The following GRIN2C variants were observed in gnomAD, a reference collection of about 807,000 sequenced individuals.
The protein encoded by GRIN2C is glutamate receptor ionotropic, NMDA 2C.
Under a neutral mutation model 77.7 loss-of-function variants are expected in GRIN2C, and 64 were observed. That is an observed-to-expected ratio of 0.82 (90% CI 0.67 to 1.01). GRIN2C has a LOEUF of 1.01. GRIN2C is among the 50% of genes least tolerant of loss of function. GRIN2C has a pLI of 0.00. For synonymous variants in GRIN2C, 792 were observed against 643.4 expected (o/e 1.23, Z -3.49); for missense variants, 1,549 against 1,486.0 (o/e 1.04, Z -0.70).
chr17:74,860,647 G>A (rs1265319522), upstream of GRIN2C: 2 of 380,306 alleles, frequency 5.3e-6, no homozygotes, highest in East Asian at 1.5e-4. Flanking sequence ...CCAGCGCCAG[G>A]TCTTGCTCGC....
chr17:74,845,944 C>T, intron 11 of GRIN2C, 122 bp downstream of exon 11: 4 of 899,608 alleles, frequency 4.4e-6, no homozygotes, highest in Non-Finnish European at 5.3e-6. Context: ...GCTGCCCCAA[C>T]CTCTCACCCC....
rs376295025 is a variant in GRIN2C, at chr17:74,850,588, C to T, written c.1293G>A (p.Val431=). 282 of 1,613,568 alleles carry T rather than the reference C, an allele frequency of 1.7e-4. No individual in the cohort carries two copies. Among genetic ancestry groups the T allele is most frequent in the Middle Eastern group, 8.2e-4 (5 of 6,062 alleles). The change falls in exon 5 of 13, where the codon GTG becomes GTA. Residue 431 remains valine, a synonymous_variant. Transcript: ENST00000293190. The surrounding 1 kb of genome is among the most constrained non-coding windows in gnomAD (Gnocchi z 5.3). ...PGTGGCVPNT[V]PCRRQSNHTF... ...TGTGGTTGCTCTGCCTGCGGCAGGG[C>T]ACGGTGTTGGGGACACAGCCTCCTG... is the stretch of plus-strand genomic sequence containing the variant.
chr17:74,842,871 G>A lies in GRIN2C; in HGVS notation c.3266C>T (p.Ala1089Val). The change falls in exon 13 of 13, where the codon GCC becomes GTC. Residue 1089 changes from alanine to valine, a missense_variant. This residue lies in a region of GRIN2C where 450 missense variants were observed against 267.9 expected (regional missense o/e 1.68). Transcript: ENST00000293190. Reference sequence around the variant, plus strand: ...GGGCAGCGAGCTGGGCCGAGCGAAGGCCTCGGCCACGGAGCTGGGCAGGGA... The same window carrying A: ...GGGCAGCGAGCTGGGCCGAGCGAAGACCTCGGCCACGGAGCTGGGCAGGGA... ...HASLPSSVAE[A>V]FARPSSLPAG... 1 of 563,874 alleles carries A rather than the reference G, an allele frequency of 1.8e-6. No homozygotes were observed. Among genetic ancestry groups the A allele is most frequent in the Non-Finnish European group, 3.1e-6 (1 of 326,904 alleles). The allele number at this position is 563,874 out of a possible 1,614,324, so 34.9% of individuals were successfully genotyped here.
Position 74,859,506 on chromosome 17 carries a change from C to A in GRIN2C, c.-16+238G>T, listed in dbSNP as rs995543417. Reference sequence around the variant, plus strand: ...ACCCACCAGCAGAACCCCCGGACCCCCTGCCCTTCCGGTGAGCCGCCCCTC... The same window carrying A: ...ACCCACCAGCAGAACCCCCGGACCCACTGCCCTTCCGGTGAGCCGCCCCTC... On this transcript the variant is annotated intron_variant, in intron 1 of 12. Coordinates refer to ENST00000293190, the MANE Select transcript of GRIN2C (RefSeq NM_000835.6). This position sits in a 1 kb window ranked among gnomAD's most constrained non-coding sequence, Gnocchi z 5.9. Among the ~76,000 whole-genome samples, 1 of 152,150 alleles carries A rather than the reference C, an allele frequency of 6.6e-6. No homozygotes were observed. Among genetic ancestry groups the A allele is most frequent in the Non-Finnish European group, 1.5e-5 (1 of 68,012 alleles).
Position 74,842,618 on chromosome 17 carries a change from G to T in GRIN2C, c.3519C>A (p.Ser1173Arg), listed in dbSNP as rs1313872138. 1.3e-6 allele frequency: 1 copy of T among 759,944 alleles called. No individual in the cohort carries two copies. Among genetic ancestry groups the T allele is most frequent in the Non-Finnish European group, 2.4e-6 (1 of 408,280 alleles). The allele number at this position is 759,944 out of a possible 1,614,324, so 47.1% of individuals were successfully genotyped here. ...AVCPHLPPCA[S>R]HGSWLSGAWG... ...AGGCCCCGGAGAGCCAGGAGCCGTG[G>T]CTGGCACAGGGTGGAAGGTGAGGAC... The change falls in exon 13 of 13, where the codon AGC becomes AGA. Residue 1173 changes from serine (S) to arginine (R), a missense_variant. Around this residue, in one of 3 missense-constraint regions of GRIN2C, gnomAD observed 450 missense variants for 267.9 expected, o/e 1.68. Coordinates refer to ENST00000293190, the MANE Select transcript of GRIN2C (RefSeq NM_000835.6).
Position 74,849,746 on chromosome 17 carries a change from C to T in GRIN2C, c.1645+34G>A. The T allele has an allele frequency of 6.3e-7, 1 of 1,596,034 alleles. No homozygotes were observed. The highest frequency in any genetic ancestry group is 8.5e-7 in the Non-Finnish European group (1 of 1,174,712). On this transcript the variant is annotated intron_variant, in intron 7 of 12. Transcript: ENST00000293190. This position sits in a 1 kb window ranked among gnomAD's most constrained non-coding sequence, Gnocchi z 4.6. Reference sequence around the variant, plus strand: ...ACACCCTCCTCGTGGGCCCCTCTGCCCCCGGAGCCGTCTCTGCCCACCCTG... The same window carrying T: ...ACACCCTCCTCGTGGGCCCCTCTGCTCCCGGAGCCGTCTCTGCCCACCCTG...
At position 74,850,726 on chromosome 17, in the gene GRIN2C, G is replaced by T; in HGVS notation, c.1155C>A (p.Pro385=). ...GAGAGGCACTGTAGCGAGGCCACAC[G>T]GGGTACTTCATGTATAGGACGCCAT... ...WEHGVLYMKY[P]VWPRYSASLQ... Residue 385 remains proline (P), a synonymous_variant, in exon 5 of 13, where the codon CCC becomes CCA. Transcript: ENST00000293190. The surrounding 1 kb of genome is among the most constrained non-coding windows in gnomAD (Gnocchi z 5.3). 6.2e-7 allele frequency: 1 copy of T among 1,613,396 alleles called. No individual in the cohort carries two copies. Among genetic ancestry groups the T allele is most frequent in the Non-Finnish European group, 8.5e-7 (1 of 1,179,980 alleles).
chr17:74,846,307 C>T lies in GRIN2C; in HGVS notation c.2163-54G>A, dbSNP rs553160355. On this transcript the variant is annotated intron_variant, in intron 10 of 12. Coordinates refer to ENST00000293190, the MANE Select transcript of GRIN2C (RefSeq NM_000835.6). This position sits in a 1 kb window ranked among gnomAD's most constrained non-coding sequence, Gnocchi z 4.4. ...GGACCATATGGGAGGGGAGGGGACA[C>T]CGAAACTGGGGCGTGACAGGGGTCT... 15 of 1,524,204 alleles carry T rather than the reference C, an allele frequency of 9.8e-6. No individual in the cohort carries two copies. The highest frequency in any genetic ancestry group is 1.4e-5 in the Non-Finnish European group (15 of 1,102,742). 94.4% of individuals were successfully genotyped at this position (1,524,204 alleles called of 1,614,324 possible). A position where few individuals can be genotyped will look rare whatever the true frequency, so the allele number is the denominator to read the frequency against.
chr17:74,843,651 A>T (rs939950989), intron 12 of GRIN2C, 98 bp from the exon 13 acceptor site: 2 of 1,450,552 alleles, frequency 1.4e-6, no homozygotes, highest in African/African-American at 1.4e-5. Flanking sequence ...TCAGTCTTCT[A>T]TAAGTCTCAG....
At chr17:74,853,310 T>A (rs1264246660) in intron 2 of GRIN2C, 1 of 152,174 alleles carries the variant, frequency 6.6e-6, no homozygotes, top group Non-Finnish European at 1.5e-5. Flanking sequence ...GCAACGCAGT[T>A]TCTTCAATAA....
At chr17:74,853,023 G>A (rs2037712468) in intron 2 of GRIN2C, 1 of 168,900 alleles carries the variant, frequency 5.9e-6, no homozygotes, top group African/African-American at 2.4e-5. Context: ...AATTCCAGAG[G>A]TGCAAAGCCA....
At chr17:74,851,909 C>G in intron 3 of GRIN2C, 104 bp downstream of exon 3, 3 of 866,276 alleles carry the variant, frequency 3.5e-6, no homozygotes, top group Non-Finnish European at 5.2e-6. Context: ...GCCCCAGGCA[C>G]GCAGCTAGTG....
chr17:74,845,915 C>T (rs2037439642), intron 11 of GRIN2C, 151 bp downstream of exon 11: 3 of 714,834 alleles, frequency 4.2e-6, no homozygotes, highest in Non-Finnish European at 7.3e-6. Flanking sequence ...CCAGTTGCTC[C>T]TAGTACCTGC....
rs372220061 is a variant in GRIN2C at position 74,850,726 on chromosome 17, G to A, written c.1155C>T (p.Pro385=). ...GAGAGGCACTGTAGCGAGGCCACAC[G>A]GGGTACTTCATGTATAGGACGCCAT... ...WEHGVLYMKY[P]VWPRYSASLQ... is the part of the protein sequence containing the mutation. Residue 385 remains proline (P), a synonymous_variant, in exon 5 of 13, where the codon CCC becomes CCT. Coordinates refer to ENST00000293190, the MANE Select transcript of GRIN2C (RefSeq NM_000835.6). This position sits in a 1 kb window ranked among gnomAD's most constrained non-coding sequence, Gnocchi z 5.3. The A allele has an allele frequency of 7.2e-5, 116 of 1,613,394 alleles. No homozygotes were observed. Among genetic ancestry groups the A allele is most frequent in the Middle Eastern group, 3.3e-4 (2 of 6,048 alleles).
At position 74,856,144 on chromosome 17, in the gene GRIN2C, T is replaced by C. The variant is rs562256465; in HGVS notation, c.-15-1037A>G. ...ACAGCAGTGAGGGTAACACAAAGCC[T>C]GAGTGGAGTGGTGCCCACGGATGTC... On this transcript the variant is annotated intron_variant, in intron 1 of 12. Transcript: ENST00000293190. Among the ~76,000 whole-genome samples, 14 of 152,328 alleles carry C rather than the reference T, an allele frequency of 9.2e-5. No homozygotes were observed. In the South Asian group the frequency reaches 2.9e-3, roughly 32 times the overall value.
rs935859146 is a variant in GRIN2C at position 74,846,023 on chromosome 17, C to G, written c.2350+43G>C. ...TGGTGGAAATGCTGACAACCTTGGG[C>G]TCCACAGCCCACCCTGGGCATCCCA... On this transcript the variant is annotated intron_variant, in intron 11 of 12. Transcript: ENST00000293190. This position sits in a 1 kb window ranked among gnomAD's most constrained non-coding sequence, Gnocchi z 4.4. 1 of 1,573,396 alleles carries G rather than the reference C, an allele frequency of 6.4e-7. No individual in the cohort carries two copies. Among genetic ancestry groups the G allele is most frequent in the Non-Finnish European group, 8.7e-7 (1 of 1,144,706 alleles).
Position 74,842,767 on chromosome 17 carries a change from A to C in GRIN2C, c.3370T>G (p.Cys1124Gly), listed in dbSNP as rs781300836. 1.4e-4 allele frequency: 98 copies of C among 684,206 alleles called. 2 individuals carry two copies. In the Admixed American group the frequency reaches 1.9e-3, roughly 13 times the overall value. 42.4% of individuals were successfully genotyped at this position (684,206 alleles called of 1,614,324 possible). A position where few individuals can be genotyped will look rare whatever the true frequency, so the allele number is the denominator to read the frequency against. Reference protein sequence around the residue: ...CRRLAQAQSMCLPIYREACQE... With the variant: ...CRRLAQAQSMGLPIYREACQE... ...CAGGCCTCCCGGTAGATCGGCAAGC[A>C]CATCGACTGCGCCTGCGCCAAGCGC... The change falls in exon 13 of 13, where the codon TGC becomes GGC. Residue 1124 changes from cysteine (C) to glycine (G), a missense_variant. By Grantham distance (159) the Cys-to-Gly change is radical (BLOSUM62 -3). Coordinates refer to ENST00000293190, the MANE Select transcript of GRIN2C (RefSeq NM_000835.6).
chr17:74,842,675 G>T lies in GRIN2C; in HGVS notation c.3462C>A (p.His1154Gln), dbSNP rs370407773. 32 of 734,462 alleles carry T rather than the reference G, an allele frequency of 4.4e-5. No individual in the cohort carries two copies. The highest frequency in any genetic ancestry group is 2.3e-4 in the South Asian group (16 of 69,366). The allele number at this position is 734,462 out of a possible 1,614,324, so 45.5% of individuals were successfully genotyped here. Residue 1154 changes from histidine (H) to glutamine (Q), a missense_variant, in exon 13 of 13, where the codon CAC (histidine) becomes CAA (glutamine). By Grantham distance (24) the His-to-Gln change is conservative. This residue lies in a region of GRIN2C where 450 missense variants were observed against 267.9 expected (regional missense o/e 1.68). Transcript: ENST00000293190. ...CCCCCCAGCAAAATGGCAGGTGGGC[G>T]TGGGCGTGCAGGCAGACGTGCTGTC... ...QHRQHVCLHAHAHLPFCWGAV... is the reference protein window; with the variant it reads ...QHRQHVCLHAQAHLPFCWGAV...
At chr17:74,861,284 C>G (rs2037947461), upstream of GRIN2C, 1 of 152,382 alleles carries the variant, frequency 6.6e-6, no homozygotes, top group African/African-American at 2.4e-5. Flanking sequence ...CAGCCGCCCC[C>G]TCCTTGAGCC....
Sources: gnomAD v4.1 joint callset for allele counts (sites outside exome capture counted in the v4.1 genomes callset) on GRCh38, gnomAD v4.1.1 for gene constraint, gnomAD v4.1.1 regional missense constraint, Gnocchi (gnomAD v3.1) non-coding constraint, MANE v1.5 for transcripts, NCBI Gene and HGNC (gene_info 2026-07-23, HGNC 2026-07-21) for gene names.